The following KCNQ1 variants were observed in gnomAD, a reference collection of about 807,000 sequenced individuals.
KCNQ1 encodes potassium voltage-gated channel subfamily KQT member 1.
A neutral mutation model predicts 72.4 loss-of-function variants in KCNQ1; 49 were observed. That is an observed-to-expected ratio of 0.68 (90% CI 0.54 to 0.86). The LOEUF is 0.86. KCNQ1 is among the 40% of genes least tolerant of loss of function. The pLI is 0.00. For missense variants in KCNQ1, 790 were observed against 945.1 expected (o/e 0.84, Z 2.15); for synonymous variants, 450 against 412.6 (o/e 1.09, Z -1.10).
chr11:2,645,017 C>G lies in KCNQ1; in HGVS notation c.1394-16944C>G, dbSNP rs1564843546. On this transcript the variant is annotated intron_variant, in intron 10 of 15. Coordinates refer to ENST00000155840, the MANE Select transcript of KCNQ1 (RefSeq NM_000218.3). The surrounding 1 kb of genome is among the most constrained non-coding windows in gnomAD (Gnocchi z 5.8). Reference sequence around the variant, plus strand: ...CCAGTGTTAGCAAGTCCAGGGAAACCAATTTTGGGCCTCCAGGCAACTTGC... The same window carrying G: ...CCAGTGTTAGCAAGTCCAGGGAAACGAATTTTGGGCCTCCAGGCAACTTGC... The G allele has an allele frequency of 5.0e-6, 2 of 398,542 alleles. No individual in the cohort carries two copies. Among genetic ancestry groups the G allele is most frequent in the Non-Finnish European group, 8.8e-6 (2 of 226,144 alleles). 24.7% of individuals were successfully genotyped at this position (398,542 alleles called of 1,614,324 possible). A position where few individuals can be genotyped will look rare whatever the true frequency, so the allele number is the denominator to read the frequency against.
chr11:2,791,578 G>A (rs1380290854), intron 15 of KCNQ1, among the ~76,000 whole-genome samples: 1 of 152,184 alleles, frequency 6.6e-6, no homozygotes, highest in African/African-American at 2.4e-5. Flanking sequence ...CGGCTGGGCT[G>A]GGAAACCGCG....
At chr11:2,636,334 C>T (rs1482190663) in intron 10 of KCNQ1, 1 of 151,832 alleles carries the variant, frequency 6.6e-6, no homozygotes, top group Non-Finnish European at 1.5e-5. Context: ...TCATAAATAG[C>T]TCTTATTATT....
chr11:2,533,778 G>A (rs1193887280), intron 2 of KCNQ1, among the ~76,000 whole-genome samples: 1 of 152,190 alleles, frequency 6.6e-6, no homozygotes, highest in Non-Finnish European at 1.5e-5. Context: ...CCTGGCCCAG[G>A]TGAGGGCCTG....
chr11:2,690,554 TAAC>T lies in KCNQ1; in HGVS notation c.1514+28475_1514+28477del. ...ACTGGGCCTAGGGAAGGACAAGAAG[TAAC>T]ATGTCAAAGATGGGACAGAACCCAC... On this transcript the variant is annotated intron_variant, in intron 11 of 15. Coordinates refer to ENST00000155840, the MANE Select transcript of KCNQ1 (RefSeq NM_000218.3). This position sits in a 1 kb window ranked among gnomAD's most constrained non-coding sequence, Gnocchi z 5.1. The T allele has an allele frequency of 2.5e-6, 1 of 398,606 alleles. No homozygotes were observed. Among genetic ancestry groups the T allele is most frequent in the Non-Finnish European group, 4.4e-6 (1 of 226,080 alleles). The allele number at this position is 398,606 out of a possible 1,614,324, so 24.7% of individuals were successfully genotyped here.
Position 2,824,298 on chromosome 11 carries a change from G to A in KCNQ1, c.1795-23469G>A, listed in dbSNP as rs908883410. ...GGGAGGAGGGAGGCTAGGCCCAGGG[G>A]TGGAAAGAAGACAGATACGAGAGGG... On this transcript the variant is annotated intron_variant, in intron 15 of 15. Coordinates refer to ENST00000155840, the MANE Select transcript of KCNQ1 (RefSeq NM_000218.3). The surrounding 1 kb of genome is among the most constrained non-coding windows in gnomAD (Gnocchi z 5.9). Among the ~76,000 whole-genome samples, 1 of 152,138 alleles carries A rather than the reference G, an allele frequency of 6.6e-6. No homozygotes were observed. The highest frequency in any genetic ancestry group is 6.5e-5 in the Admixed American group (1 of 15,282).
intron 15 of KCNQ1, among the ~76,000 whole-genome samples, chr11:2,810,941 C>G (rs1449789342): frequency 6.6e-6 from 1 of 152,196 alleles, no homozygotes; most frequent in Non-Finnish European, 1.5e-5. Context: ...CATGCTCAGC[C>G]CCTTCCCATC....
At chr11:2,470,708 G>A (rs932227843) in intron 1 of KCNQ1, among the ~76,000 whole-genome samples, 1 of 137,744 alleles carries the variant, frequency 7.3e-6, no homozygotes. Context: ...GTTAGGTGGG[G>A]GGGGGGGTGC....
rs1475703329 is a variant in KCNQ1 at position 2,674,741 on chromosome 11, T to G, written c.1514+12660T>G. Reference sequence around the variant, plus strand: ...TCTGAACTTAACTCGTTAAAGTTGCTCCAATCCCAGCCCAGTGCCAGACCA... The same window carrying G: ...TCTGAACTTAACTCGTTAAAGTTGCGCCAATCCCAGCCCAGTGCCAGACCA... On this transcript the variant is annotated intron_variant, in intron 11 of 15. Transcript: ENST00000155840. The surrounding 1 kb of genome is among the most constrained non-coding windows in gnomAD (Gnocchi z 5.9). The G allele has an allele frequency of 5.1e-6, 2 of 393,848 alleles. No homozygotes were observed. Among genetic ancestry groups the G allele is most frequent in the African/African-American group, 4.3e-5 (2 of 46,548 alleles). The allele number at this position is 393,848 out of a possible 1,614,324, so 24.4% of individuals were successfully genotyped here.
intron 11 of KCNQ1, chr11:2,667,320 A>G (rs970856175): frequency 1.3e-5 from 5 of 398,518 alleles, no homozygotes; most frequent in African/African-American, 2.1e-5. Flanking sequence ...GATGGCCCAG[A>G]AGAAAGCAGT....
At chr11:2,615,840 A>G (rs1273463100) in intron 10 of KCNQ1, 2 of 397,790 alleles carry the variant, frequency 5.0e-6, no homozygotes, top group Non-Finnish European at 8.9e-6. Context: ...CTTGTGGTAT[A>G]TTTGTCTGGC....
intron 2 of KCNQ1, among the ~76,000 whole-genome samples, chr11:2,560,417 CGTCCATCCTGGGGGGACGGTGGGGGAT>C (rs1848146599): frequency 1.5e-5 from 1 of 67,046 alleles, no homozygotes; most frequent in Non-Finnish European, 2.7e-5. Flanking sequence ...TGGGGGGTGA[CGTCCATCCTGGGGGGACGGTGGGGGAT>C]GTCCATCCTG....
intron 11 of KCNQ1, among the ~76,000 whole-genome samples, chr11:2,742,162 G>A (rs568008677): frequency 1.3e-5 from 2 of 152,372 alleles, no homozygotes; most frequent in East Asian, 3.9e-4. Flanking sequence ...ACCTTGAGGT[G>A]AACAGAGGTT....
At position 2,544,526 on chromosome 11, in the gene KCNQ1, CAG is replaced by C. The variant is rs1173603680; in HGVS notation, c.477+16512_477+16513del. On this transcript the variant is annotated intron_variant, in intron 2 of 15. Transcript: ENST00000155840. This position sits in a 1 kb window ranked among gnomAD's most constrained non-coding sequence, Gnocchi z 4.4. ...ACTTATTTAGATTTTTAACTTCTGTCAGAGATGTTTCATAGTTTTTAGTGTAT... is the reference window on the plus strand; with the variant it reads ...ACTTATTTAGATTTTTAACTTCTGTCAGATGTTTCATAGTTTTTAGTGTAT... Among the ~76,000 whole-genome samples the C allele has an allele frequency of 6.6e-6, 1 of 151,756 alleles. No individual in the cohort carries two copies. Among genetic ancestry groups the C allele is most frequent in the East Asian group, 1.9e-4 (1 of 5,180 alleles).
rs1846899357 is a variant in KCNQ1 at position 2,495,598 on chromosome 11, A to G, written c.387-32330A>G. ...TCTGCCTTGATTTTGTTATTTACTC[A>G]GTAGTCATTCAGTAGCAGGTTGTTC... On this transcript the variant is annotated intron_variant, in intron 1 of 15. Coordinates refer to ENST00000155840, the MANE Select transcript of KCNQ1 (RefSeq NM_000218.3). The surrounding 1 kb of genome is among the most constrained non-coding windows in gnomAD (Gnocchi z 4.6). Among the ~76,000 whole-genome samples, 1 of 152,180 alleles carries G rather than the reference A, an allele frequency of 6.6e-6. No homozygotes were observed. Among genetic ancestry groups the G allele is most frequent in the South Asian group, 2.1e-4 (1 of 4,834 alleles).
chr11:2,626,660 C>G lies in KCNQ1; in HGVS notation c.1394-35301C>G. ...CCTCCCACCTCGGCTTCTTGAGTAG[C>G]TGGGAATAGAAGTGTGTACCATTAC... On this transcript the variant is annotated intron_variant, in intron 10 of 15. Coordinates refer to ENST00000155840, the MANE Select transcript of KCNQ1 (RefSeq NM_000218.3). This position sits in a 1 kb window ranked among gnomAD's most constrained non-coding sequence, Gnocchi z 4.0. The G allele has an allele frequency of 2.5e-6, 1 of 398,570 alleles. No homozygotes were observed. The highest frequency in any genetic ancestry group is 3.6e-5 in the East Asian group (1 of 28,070). 24.7% of individuals were successfully genotyped at this position (398,570 alleles called of 1,614,324 possible).
chr11:2,819,310 G>A (rs1847684772), intron 15 of KCNQ1, among the ~76,000 whole-genome samples: 1 of 152,152 alleles, frequency 6.6e-6, no homozygotes, highest in South Asian at 2.1e-4. Context: ...CAGAGTTTAA[G>A]TGAGGAGTGG....
intron 15 of KCNQ1, among the ~76,000 whole-genome samples, chr11:2,800,483 C>T (rs78878449): frequency 0.07 from 10,594 of 152,312 alleles, 1,200 homozygotes; most frequent in African/African-American, 0.24. Flanking sequence ...AACCTGGGTA[C>T]TCCCAGCTGC....
At chr11:2,804,691 A>G (rs1451704997) in intron 15 of KCNQ1, among the ~76,000 whole-genome samples, 1 of 151,240 alleles carries the variant, frequency 6.6e-6, no homozygotes, top group Non-Finnish European at 1.5e-5. Flanking sequence ...TGCAGCCACC[A>G]TTCTCCACAC....
chr11:2,668,255 G>A lies in KCNQ1; in HGVS notation c.1514+6174G>A, dbSNP rs980817443. The stretch of plus-strand genomic sequence containing the variant: ...CAGCAGGCAGTTTCTGGTGTAGGTT[G>A]CTGTTTAAGAATATTCTGTACATGC... On this transcript the variant is annotated intron_variant, in intron 11 of 15. Transcript: ENST00000155840. The surrounding 1 kb of genome is among the most constrained non-coding windows in gnomAD (Gnocchi z 4.3). 1.0e-5 allele frequency: 4 copies of A among 398,510 alleles called. No homozygotes were observed. Among genetic ancestry groups the A allele is most frequent in the African/African-American group, 6.2e-5 (3 of 48,614 alleles). 24.7% of individuals were successfully genotyped at this position (398,510 alleles called of 1,614,324 possible). A position where few individuals can be genotyped will look rare whatever the true frequency, so the allele number is the denominator to read the frequency against.
Sources: allele counts gnomAD v4.1 joint callset (sites outside exome capture counted in the v4.1 genomes callset), GRCh38; gene constraint gnomAD v4.1.1; non-coding constraint Gnocchi (gnomAD v3.1); transcripts MANE v1.5; gene names NCBI Gene and HGNC (gene_info 2026-07-23, HGNC 2026-07-21).